The following HS3ST4 variants were observed in gnomAD, a reference collection of about 807,000 sequenced individuals.
HS3ST4 encodes the protein heparan sulfate glucosamine 3-O-sulfotransferase 4.
HS3ST4 carries 17 observed loss-of-function variants against 29.2 expected under a neutral mutation model. The observed-to-expected ratio is 0.58, with a 90% confidence interval of 0.40 to 0.87. The LOEUF (loss-of-function observed/expected upper bound fraction) is 0.87. Ranked by LOEUF, HS3ST4 falls within the 40% of genes least tolerant of loss-of-function variation. The probability of loss-of-function intolerance (pLI) is 0.00; values close to 1 mark genes in which losing one functional copy is unlikely to be tolerated. For synonymous variants in HS3ST4, 314 were observed against 285.7 expected (o/e 1.10, Z -1.00); for missense variants, 627 against 634.5 (o/e 0.99, Z 0.13).
intron 1 of HS3ST4, among the ~76,000 whole-genome samples, chr16:25,807,062 T>A (rs941633537): frequency 6.6e-6 from 1 of 152,186 alleles, no homozygotes; most frequent in Non-Finnish European, 1.5e-5. Flanking sequence ...AACCTCGACT[T>A]CCCAGGTACA....
intron 1 of HS3ST4, among the ~76,000 whole-genome samples, chr16:25,719,039 ATCT>A (rs1419760300): frequency 3.9e-5 from 6 of 152,366 alleles, no homozygotes; most frequent in African/African-American, 7.2e-5. Context: ...TCACTAAAAG[ATCT>A]TCTGCACTGA....
At chr16:25,974,918 T>C (rs1968929330) in intron 1 of HS3ST4, among the ~76,000 whole-genome samples, 1 of 152,138 alleles carries the variant, frequency 6.6e-6, no homozygotes. Context: ...CAGACACTTA[T>C]TTTCTTTTGC....
At chr16:25,712,172 A>AG (rs968085423) in intron 1 of HS3ST4, among the ~76,000 whole-genome samples, 1 of 152,126 alleles carries the variant, frequency 6.6e-6, no homozygotes, top group African/African-American at 2.4e-5. Context: ...AGGAAAAAAA[A>AG]CCCCAAATTT....
At chr16:26,062,517 G>C (rs1898487442) in intron 1 of HS3ST4, among the ~76,000 whole-genome samples, 1 of 151,786 alleles carries the variant, frequency 6.6e-6, no homozygotes, top group South Asian at 2.1e-4. Context: ...TGAGACAGTT[G>C]TACCTGAACC....
At chr16:25,787,589 C>T (rs568099055) in intron 1 of HS3ST4, among the ~76,000 whole-genome samples, 1 of 152,316 alleles carries the variant, frequency 6.6e-6, no homozygotes, top group African/African-American at 2.4e-5. Context: ...TGGTAGGATG[C>T]AGATGGTCTG....
chr16:25,886,042 T>G (rs1403040462), intron 1 of HS3ST4, among the ~76,000 whole-genome samples: 6 of 142,894 alleles, frequency 4.2e-5, no homozygotes, highest in Non-Finnish European at 9.1e-5. Flanking sequence ...TTTTTTTTTT[T>G]TTTTTTTTGA....
intron 1 of HS3ST4, among the ~76,000 whole-genome samples, chr16:25,878,830 C>T (rs55923974): frequency 0.17 from 25,718 of 152,058 alleles, 4,271 homozygotes; most frequent in African/African-American, 0.44. Flanking sequence ...TTCAAACCTT[C>T]GATAAAAATA....
intron 1 of HS3ST4, among the ~76,000 whole-genome samples, chr16:25,707,777 C>G (rs1246303491): frequency 6.6e-6 from 1 of 152,206 alleles, no homozygotes; most frequent in Non-Finnish European, 1.5e-5. Context: ...GGCCCTGCCC[C>G]AGGGCCTTTG....
intron 1 of HS3ST4, among the ~76,000 whole-genome samples, chr16:25,780,182 TC>T (rs902340736): frequency 3.5e-4 from 53 of 152,364 alleles, no homozygotes; most frequent in African/African-American, 1.3e-3. Context: ...CAATCCTGCC[TC>T]TGGGCCCTGG....
intron 1 of HS3ST4, among the ~76,000 whole-genome samples, chr16:26,071,801 G>A (rs1382624304): frequency 6.6e-6 from 1 of 152,096 alleles, no homozygotes; most frequent in African/African-American, 2.4e-5. Flanking sequence ...TTTCAATTTT[G>A]TAACCTAGGT....
chr16:25,815,181 G>A (rs1967080885), intron 1 of HS3ST4, among the ~76,000 whole-genome samples: 1 of 152,210 alleles, frequency 6.6e-6, no homozygotes, highest in Admixed American at 6.5e-5. Flanking sequence ...AGAGTGTCCA[G>A]TGACTTTTGT....
In HS3ST4 at chr16:26,085,656, A is replaced by C. The variant is rs141601543; in HGVS notation, c.735-49956A>C. On this transcript the variant is annotated intron_variant, in intron 1 of 1. Coordinates refer to ENST00000331351, the MANE Select transcript of HS3ST4 (RefSeq NM_006040.3). ...GAGGCCCAGGAGGGAGGATTTCTTG[A>C]GATCATGACTTCAAGACCAGCCTGG... is the stretch of plus-strand genomic sequence containing the variant. Among the ~76,000 whole-genome samples, 989 of 152,222 alleles carry C rather than the reference A, an allele frequency of 6.5e-3. 10 individuals carry two copies. The highest frequency in any genetic ancestry group is 0.022 in the African/African-American group (928 of 41,542).
intron 1 of HS3ST4, among the ~76,000 whole-genome samples, chr16:26,038,475 C>T (rs930828923): frequency 6.6e-6 from 1 of 152,078 alleles, no homozygotes. Context: ...ATAGCCCCCA[C>T]ACCTGTACTG....
intron 1 of HS3ST4, among the ~76,000 whole-genome samples, chr16:26,003,858 C>A (rs1464503750): frequency 6.6e-6 from 1 of 152,078 alleles, no homozygotes; most frequent in Non-Finnish European, 1.5e-5. Flanking sequence ...AACACCATGC[C>A]ATGTGCCTAC....
At chr16:25,910,666 CA>C (rs990703786) in intron 1 of HS3ST4, among the ~76,000 whole-genome samples, 35 of 150,818 alleles carry the variant, frequency 2.3e-4, no homozygotes, top group African/African-American at 7.1e-4. Context: ...AAAAGTTAAA[CA>C]AAAAAAACAA....
intron 1 of HS3ST4, among the ~76,000 whole-genome samples, chr16:26,030,319 T>G (rs890277173): frequency 1.3e-5 from 2 of 152,168 alleles, no homozygotes; most frequent in African/African-American, 4.8e-5. Context: ...GTTAGGAAGA[T>G]CACTTAAGCT....
At chr16:25,737,855 GTGTC>G (rs1220539632) in intron 1 of HS3ST4, among the ~76,000 whole-genome samples, 3 of 150,878 alleles carry the variant, frequency 2.0e-5, no homozygotes, top group Non-Finnish European at 2.9e-5. Context: ...TCATGTAATT[GTGTC>G]CCATTTCCTG....
chr16:26,129,841 T>G (rs916660666), intron 1 of HS3ST4, among the ~76,000 whole-genome samples: 1 of 152,120 alleles, frequency 6.6e-6, no homozygotes, highest in African/African-American at 2.4e-5. Context: ...CCTCAGAACA[T>G]AGCATGGAGT....
rs115564474 is a variant in HS3ST4 at position 25,892,540 on chromosome 16, C to T, written c.734+199389C>T. On this transcript the variant is annotated intron_variant, in intron 1 of 1. Coordinates refer to ENST00000331351, the MANE Select transcript of HS3ST4 (RefSeq NM_006040.3). ...TGTTGAGAGAATGGATGAGTTGAAA[C>T]GGAAGAGAGAGCTCACAAGATTGGG... is the stretch of plus-strand genomic sequence containing the variant. 3.0e-3 allele frequency among the ~76,000 whole-genome samples: 463 copies of T among 152,248 alleles called. 2 individuals carry two copies. The highest frequency in any genetic ancestry group is 0.011 in the African/African-American group (437 of 41,540).
Sources: gnomAD v4.1 joint callset for allele counts (sites outside exome capture counted in the v4.1 genomes callset) on GRCh38, gnomAD v4.1.1 for gene constraint, MANE v1.5 for transcripts, NCBI Gene and HGNC (gene_info 2026-07-23, HGNC 2026-07-21) for gene names.